The following AOAH variants were observed in gnomAD, a reference collection of about 807,000 sequenced individuals.
AOAH encodes the protein acyloxyacyl hydrolase.
AOAH carries 64 observed loss-of-function variants against 92.2 expected under a neutral mutation model. That is an observed-to-expected ratio of 0.69 (90% CI 0.57 to 0.86). The LOEUF is 0.86. AOAH is among the 40% of genes least tolerant of loss of function. AOAH has a pLI of 0.00. For synonymous variants in AOAH, 263 were observed against 254.5 expected, an observed-to-expected ratio of 1.03 and a Z score of -0.32; for missense variants, 656 against 694.6, an observed-to-expected ratio of 0.94 and a Z score of 0.62.
chr7:36,521,526 G>C (rs1784106601), intron 20 of AOAH, among the ~76,000 whole-genome samples: 1 of 152,160 alleles, frequency 6.6e-6, no homozygotes, highest in African/African-American at 2.4e-5. Context: ...ACTGTACTTT[G>C]GATCCTTGAT....
At chr7:36,656,624 T>C (rs1267152961) in intron 4 of AOAH, among the ~76,000 whole-genome samples, 2 of 152,160 alleles carry the variant, frequency 1.3e-5, no homozygotes, top group African/African-American at 4.8e-5. Flanking sequence ...TGGGGTTGTA[T>C]GTTGGTTAAC....
At chr7:36,524,513 A>C (rs1230723616) in intron 19 of AOAH, among the ~76,000 whole-genome samples, 1 of 151,296 alleles carries the variant, frequency 6.6e-6, no homozygotes, top group African/African-American at 2.4e-5. Context: ...AAAAAAAAAA[A>C]AAACAAAAAA....
intron 16 of AOAH, among the ~76,000 whole-genome samples, chr7:36,535,963 G>T (rs1319284573): frequency 6.6e-6 from 1 of 152,170 alleles, no homozygotes; most frequent in Non-Finnish European, 1.5e-5. Context: ...ACTCTCACCA[G>T]GAATTTTAGC....
chr7:36,533,382 T>TA, intron 16 of AOAH, among the ~76,000 whole-genome samples: 1 of 152,152 alleles, frequency 6.6e-6, no homozygotes, highest in African/African-American at 2.4e-5. Context: ...TACCTCTGAT[T>TA]AGTTAGACTG....
At chr7:36,616,607 T>G in intron 10 of AOAH, 133 bp from the exon 11 acceptor site, 5 of 686,962 alleles carry the variant, frequency 7.3e-6, no homozygotes, top group Admixed American at 2.3e-5. Flanking sequence ...GCATTACCAC[T>G]TTTCGCATGT....
At chr7:36,565,787 T>C (rs553094173) in intron 13 of AOAH, among the ~76,000 whole-genome samples, 2 of 152,214 alleles carry the variant, frequency 1.3e-5, no homozygotes, top group South Asian at 2.1e-4. Context: ...CAATCCTACC[T>C]GCTTCGGCTT....
chr7:36,691,859 C>T (rs1797418894), intron 1 of AOAH, among the ~76,000 whole-genome samples: 2 of 152,184 alleles, frequency 1.3e-5, no homozygotes, highest in African/African-American at 4.8e-5. Flanking sequence ...TCAGCTTCCA[C>T]TTTTGCCCTC....
At chr7:36,623,037 T>A (rs1367958184) in intron 7 of AOAH, among the ~76,000 whole-genome samples, 153 bp downstream of exon 7, 3 of 152,090 alleles carry the variant, frequency 2.0e-5, no homozygotes, top group Non-Finnish European at 4.4e-5. Flanking sequence ...TGAGACTTGG[T>A]CTCAAAAAAG....
At chr7:36,558,442 G>A (rs1161240174) in intron 13 of AOAH, among the ~76,000 whole-genome samples, 3 of 152,222 alleles carry the variant, frequency 2.0e-5, no homozygotes. Flanking sequence ...AGGGGTCAGG[G>A]ACCTACTTGA....
At chr7:36,576,709 G>T in intron 12 of AOAH, 53 bp from the exon 13 acceptor site, 1 of 930,434 alleles carries the variant, frequency 1.1e-6, no homozygotes, top group Non-Finnish European at 1.6e-6. Flanking sequence ...ACATAAAGAA[G>T]TTTAAACAAA....
At chr7:36,710,068 T>C (rs1798662608) in intron 1 of AOAH, among the ~76,000 whole-genome samples, 1 of 152,176 alleles carries the variant, frequency 6.6e-6, no homozygotes, top group Admixed American at 6.5e-5. Flanking sequence ...GTGTGGTAGG[T>C]AGAATTATAA....
At chr7:36,530,713 T>C in intron 18 of AOAH, 199 bp from the exon 19 acceptor site, 1 of 522,236 alleles carries the variant, frequency 1.9e-6, no homozygotes, top group East Asian at 3.1e-5. Context: ...ATGTTAATGT[T>C]CATTAGGAAT....
At chr7:36,636,019 C>CTGTT (rs565276928) in intron 5 of AOAH, among the ~76,000 whole-genome samples, 214 of 152,280 alleles carry the variant, frequency 1.4e-3, no homozygotes, top group African/African-American at 5.1e-3. Flanking sequence ...TAATGCATAA[C>CTGTT]TGTTTTCAAG....
At chr7:36,548,565 A>G in intron 15 of AOAH, 47 bp downstream of exon 15, 1 of 1,512,442 alleles carries the variant, frequency 6.6e-7, no homozygotes, top group Non-Finnish European at 9.2e-7. Context: ...GGTGGGGAAG[A>G]GCCCAGAGCC....
intron 5 of AOAH, among the ~76,000 whole-genome samples, chr7:36,632,617 A>C (rs1480678612): frequency 6.6e-6 from 1 of 152,194 alleles, no homozygotes; most frequent in Non-Finnish European, 1.5e-5. Context: ...ATGAGGCTCC[A>C]GATGTGGGCT....
rs28422172 is a variant in AOAH at position 36,689,700 on chromosome 7, C to T, written c.128-2906G>A. 6.3e-3 allele frequency among the ~76,000 whole-genome samples: 952 copies of T among 152,208 alleles called. 13 individuals carry two copies. The highest frequency in any genetic ancestry group is 0.022 in the African/African-American group (918 of 41,526). ...AGAGCTGGTGAGAGAAGAGGCACTCCCAAGAGAGAAAAAAGACTCGGTGGC... is the reference window on the plus strand; with the variant it reads ...AGAGCTGGTGAGAGAAGAGGCACTCTCAAGAGAGAAAAAAGACTCGGTGGC... On this transcript the variant is annotated intron_variant, in intron 1 of 20. Coordinates refer to ENST00000617537, the MANE Select transcript of AOAH (RefSeq NM_001637.4).
chr7:36,535,103 TGTG>T (rs1784964767), intron 16 of AOAH, among the ~76,000 whole-genome samples: 1 of 123,430 alleles, frequency 8.1e-6, no homozygotes, highest in Admixed American at 7.9e-5. Flanking sequence ...TGTGTTTGTG[TGTG>T]TCTGTGTCTG....
At chr7:36,626,810 G>A (rs1458164259) in intron 6 of AOAH, among the ~76,000 whole-genome samples, 1 of 152,046 alleles carries the variant, frequency 6.6e-6, no homozygotes, top group Non-Finnish European at 1.5e-5. Flanking sequence ...ATAGAGACGG[G>A]GTCTTGCTCT....
chr7:36,512,944 T>G lies in AOAH; in HGVS notation c.*308A>C. 1 of 1,156,602 alleles carries G rather than the reference T, an allele frequency of 8.6e-7. No individual in the cohort carries two copies. The highest frequency in any genetic ancestry group is 1.5e-5 in the South Asian group (1 of 65,574). The allele number at this position is 1,156,602 out of a possible 1,614,324, so 71.6% of individuals were successfully genotyped here. A position where few individuals can be genotyped will look rare whatever the true frequency, so the allele number is the denominator to read the frequency against. On this transcript the variant is annotated 3_prime_UTR_variant, in exon 21 of 21. Transcript: ENST00000617537. ...TGCTGAACATCGCTGGACTTAAGTG[T>G]TTTTAGAAACTCCTTTTAGAACAAT...
Sources: allele counts gnomAD v4.1 joint callset (sites outside exome capture counted in the v4.1 genomes callset), GRCh38; gene constraint gnomAD v4.1.1; transcripts MANE v1.5; gene names NCBI Gene and HGNC (gene_info 2026-07-23, HGNC 2026-07-21).